ZFPM2: variants seen among roughly 807,000 people sequenced by gnomAD.
ZFPM2 encodes the protein zinc finger protein, FOG family member 2, also known as zinc finger protein ZFPM2.
Under a neutral mutation model 98.6 loss-of-function variants are expected in ZFPM2, and 20 were observed. That is an observed-to-expected ratio of 0.20 (90% confidence interval 0.14 to 0.29). ZFPM2 has a LOEUF of 0.29. Among genes scored for constraint, ZFPM2 ranks in the 10% least tolerant of loss-of-function variants. The pLI, the probability that ZFPM2 is intolerant of heterozygous loss-of-function variation, is 1.00. For synonymous variants in ZFPM2, 518 were observed against 502.7 expected (o/e 1.03, Z -0.41); for missense variants, 1,310 against 1,388.6 (o/e 0.94, Z 0.90).
chr8:105,438,491 ACT>A (rs1428246300), intron 2 of ZFPM2, among the ~76,000 whole-genome samples: 4 of 151,990 alleles, frequency 2.6e-5, no homozygotes, highest in Non-Finnish European at 4.4e-5. Flanking sequence ...TTTTGTGGTA[ACT>A]CTGATTACTC....
At chr8:105,443,436 C>A (rs1449664771) in intron 2 of ZFPM2, among the ~76,000 whole-genome samples, 1 of 151,162 alleles carries the variant, frequency 6.6e-6, no homozygotes, top group Non-Finnish European at 1.5e-5. Context: ...TATTTTATTA[C>A]CATTTATGGC....
At chr8:105,426,057 A>T (rs1811901882) in intron 2 of ZFPM2, among the ~76,000 whole-genome samples, 1 of 152,126 alleles carries the variant, frequency 6.6e-6, no homozygotes, top group Admixed American at 6.6e-5. Context: ...GCCTTTAATG[A>T]CATGTTTTTG....
At chr8:105,700,255 G>A (rs1298029594) in intron 5 of ZFPM2, among the ~76,000 whole-genome samples, 3 of 152,122 alleles carry the variant, frequency 2.0e-5, no homozygotes, top group South Asian at 2.1e-4. Flanking sequence ...TATTTTATCC[G>A]TATTCAGTGA....
intron 5 of ZFPM2, among the ~76,000 whole-genome samples, chr8:105,758,752 T>TC (rs1227089764): frequency 3.9e-5 from 6 of 152,030 alleles, no homozygotes; most frequent in Admixed American, 3.3e-4. Flanking sequence ...TATAAGAGTG[T>TC]TATAGAAAGC....
intron 3 of ZFPM2, among the ~76,000 whole-genome samples, chr8:105,454,843 T>C (rs1812556810): frequency 6.6e-6 from 1 of 152,160 alleles, no homozygotes; most frequent in African/African-American, 2.4e-5. Context: ...CCTCCAAAAG[T>C]GACTAAGACC....
chr8:105,465,053 A>G (rs191382912), intron 3 of ZFPM2, among the ~76,000 whole-genome samples: 40 of 151,510 alleles, frequency 2.6e-4, no homozygotes, highest in Non-Finnish European at 4.1e-4. Flanking sequence ...ATTGATTTTT[A>G]TTATTCTTGA....
At chr8:105,637,322 A>AAC (rs1418597276) in intron 5 of ZFPM2, among the ~76,000 whole-genome samples, 7 of 152,028 alleles carry the variant, frequency 4.6e-5, no homozygotes, top group Admixed American at 2.6e-4. Flanking sequence ...GAAATCACAA[A>AAC]ATATATATAT....
At chr8:105,435,335 T>C (rs1392329302) in intron 2 of ZFPM2, among the ~76,000 whole-genome samples, 1 of 152,232 alleles carries the variant, frequency 6.6e-6, no homozygotes, top group African/African-American at 2.4e-5. Context: ...CATTTCATCA[T>C]TTTATGAATT....
intron 5 of ZFPM2, among the ~76,000 whole-genome samples, chr8:105,717,514 C>T (rs1811552798): frequency 6.6e-6 from 1 of 151,870 alleles, no homozygotes; most frequent in Non-Finnish European, 1.5e-5. Context: ...GTAGCTTTTT[C>T]TATGGCCTCC....
chr8:105,801,011 T>C, intron 7 of ZFPM2, 36 bp from the exon 8 acceptor site: 3 of 1,566,948 alleles, frequency 1.9e-6, no homozygotes, highest in Non-Finnish European at 1.7e-6. Context: ...CCAACACACA[T>C]GTTTCTCATT....
At chr8:105,321,397 C>T (rs1812022691) in intron 1 of ZFPM2, among the ~76,000 whole-genome samples, 1 of 152,196 alleles carries the variant, frequency 6.6e-6, no homozygotes, top group Non-Finnish European at 1.5e-5. Flanking sequence ...TCTCAGAAAG[C>T]TATGCTCTGT....
At chr8:105,616,788 C>T (rs979347521) in intron 4 of ZFPM2, 23 of 252,220 alleles carry the variant, frequency 9.1e-5, no homozygotes, top group Middle Eastern at 1.4e-3. Context: ...GAGGCCCAGG[C>T]GGGTGGATCA....
At chr8:105,540,702 A>G (rs1814558077) in intron 3 of ZFPM2, among the ~76,000 whole-genome samples, 1 of 151,952 alleles carries the variant, frequency 6.6e-6, no homozygotes. Context: ...TAAAGTGGCG[A>G]CTCTGCATCA....
At position 105,803,767 on chromosome 8, in the gene ZFPM2, G is replaced by T; in HGVS notation, c.*229G>T. 5.5e-6 allele frequency: 2 copies of T among 362,724 alleles called. No homozygotes were observed. Among genetic ancestry groups the T allele is most frequent in the South Asian group, 3.9e-5 (1 of 25,622 alleles). The allele number at this position is 362,724 out of a possible 1,614,324, so 22.5% of individuals were successfully genotyped here. Reference sequence around the variant, plus strand: ...TTTACCAGCAGTATTCATAGCTGTGGTTATGTTATTTTTTATTTAAAAACT... The same window carrying T: ...TTTACCAGCAGTATTCATAGCTGTGTTTATGTTATTTTTTATTTAAAAACT... On this transcript the variant is annotated 3_prime_UTR_variant, in exon 8 of 8. Coordinates refer to ENST00000407775, the MANE Select transcript of ZFPM2 (RefSeq NM_012082.4).
chr8:105,582,972 T>C (rs553792029), intron 4 of ZFPM2, among the ~76,000 whole-genome samples: 3 of 152,222 alleles, frequency 2.0e-5, no homozygotes, highest in Non-Finnish European at 4.4e-5. Flanking sequence ...TCGTTTTTCT[T>C]GTTAGCAACA....
At chr8:105,719,836 T>A (rs1811615358) in intron 5 of ZFPM2, among the ~76,000 whole-genome samples, 1 of 151,942 alleles carries the variant, frequency 6.6e-6, no homozygotes, top group Admixed American at 6.6e-5. Context: ...GGTTTCTCCA[T>A]ACCAGTGGTC....
At chr8:105,797,198 C>T (rs974948215) in intron 6 of ZFPM2, 2 of 152,126 alleles carry the variant, frequency 1.3e-5, no homozygotes, top group Non-Finnish European at 2.9e-5. Flanking sequence ...CATGGATGGG[C>T]GAGTTACTTA....
chr8:105,452,613 G>T (rs530179764), intron 3 of ZFPM2, among the ~76,000 whole-genome samples: 46 of 151,944 alleles, frequency 3.0e-4, no homozygotes, highest in Non-Finnish European at 1.5e-4. Flanking sequence ...TTAGCCAGAC[G>T]TGGTGACTGG....
At chr8:105,325,265 A>G (rs1812094483) in intron 1 of ZFPM2, among the ~76,000 whole-genome samples, 1 of 151,882 alleles carries the variant, frequency 6.6e-6, no homozygotes, top group African/African-American at 2.4e-5. Flanking sequence ...TTAAAAACTG[A>G]AATGCAATTA....
Sources: allele counts gnomAD v4.1 joint callset (sites outside exome capture counted in the v4.1 genomes callset), GRCh38; gene constraint gnomAD v4.1.1; transcripts MANE v1.5; gene names NCBI Gene and HGNC (gene_info 2026-07-23, HGNC 2026-07-21).